The following SPG21 variants were observed in gnomAD, a reference collection of about 807,000 sequenced individuals.
SPG21 encodes the protein maspardin.
Under a neutral mutation model 38.9 loss-of-function variants are expected in SPG21, and 26 were observed. The observed-to-expected ratio is 0.67, with a 90% CI of 0.49 to 0.93. The LOEUF (loss-of-function observed/expected upper bound fraction) is 0.93, where lower values mean the gene tolerates loss of function less well. Among genes scored for constraint, SPG21 ranks in the 40% least tolerant of loss-of-function variants. The pLI is 0.00. For missense variants in SPG21, 333 were observed against 376.5 expected, an observed-to-expected ratio of 0.88 and a Z score of 0.96; for synonymous variants, 136 against 128.9, an observed-to-expected ratio of 1.05 and a Z score of -0.37.
chr15:64,963,906 G>A (rs1195435061), intron 8 of SPG21, among the ~76,000 whole-genome samples, 170 bp from the exon 9 acceptor site: 3 of 151,856 alleles, frequency 2.0e-5, no homozygotes, highest in African/African-American at 4.8e-5. Flanking sequence ...ACAGGTGCCC[G>A]CCACCATGCC....
In SPG21 at chr15:64,974,632, G is replaced by A; in HGVS notation, c.422C>T (p.Ser141Phe). ...TGCAGTCCAAGTTTGGTTGAAGATA[G>A]AGGTGTCACTGAAGGAATTGCAGAG... The part of the protein sequence containing the change: ...LILCNSFSDT[S>F]IFNQTWTANS... Residue 141 changes from serine to phenylalanine, a missense_variant, in exon 5 of 9, where the codon TCT becomes TTT. Physicochemically the swap from Ser to Phe is radical, Grantham distance 155. Transcript: ENST00000204566. 2 of 1,614,208 alleles carry A rather than the reference G, an allele frequency of 1.2e-6. No individual in the cohort carries two copies. The highest frequency in any genetic ancestry group is 1.7e-6 in the Non-Finnish European group (2 of 1,180,040).
At chr15:64,988,477 GCAACTGGCTTTTTAA>G (rs2086043788) in intron 1 of SPG21, 1 of 152,228 alleles carries the variant, frequency 6.6e-6, no homozygotes, top group Non-Finnish European at 1.5e-5. Flanking sequence ...TCTGGGAGAT[GCAACTGGCTTTTTAA>G]TGCACGTCTC....
At position 64,976,573 on chromosome 15, in the gene SPG21, A is replaced by C. The variant is rs759529528; in HGVS notation, c.226-18T>G. The C allele has an allele frequency of 1.3e-6, 2 of 1,582,910 alleles. No homozygotes were observed. The highest frequency in any genetic ancestry group is 2.2e-5 in the East Asian group (1 of 44,660). On this transcript the variant is annotated intron_variant, in intron 3 of 8. Transcript: ENST00000204566. ...TACTGCAACTGAAATAATAACGATAATTTTATTTTTAAAAATCATAAAAGT... is the reference window on the plus strand; with the variant it reads ...TACTGCAACTGAAATAATAACGATACTTTTATTTTTAAAAATCATAAAAGT...
chr15:64,978,771 G>T (rs917075960), intron 3 of SPG21, among the ~76,000 whole-genome samples: 2 of 152,070 alleles, frequency 1.3e-5, no homozygotes, highest in African/African-American at 2.4e-5. Context: ...GCCCACACAG[G>T]TGACAAAATT....
At chr15:64,985,670 G>A (rs1207075052) in intron 1 of SPG21, among the ~76,000 whole-genome samples, 3 of 152,144 alleles carry the variant, frequency 2.0e-5, no homozygotes, top group Admixed American at 6.5e-5. Flanking sequence ...TAACTCCCGG[G>A]CTGACTCTGA....
intron 1 of SPG21, among the ~76,000 whole-genome samples, chr15:64,986,559 G>A (rs2085996304): frequency 6.6e-6 from 1 of 150,558 alleles, no homozygotes; most frequent in Non-Finnish European, 1.5e-5. Context: ...CATGGCAGTG[G>A]CCGCCTGTAA....
chr15:64,973,661 C>G (rs554381669), intron 5 of SPG21, among the ~76,000 whole-genome samples: 1 of 152,284 alleles, frequency 6.6e-6, no homozygotes, highest in African/African-American at 2.4e-5. Context: ...GTTGGTCAGG[C>G]TGGTCTCGAA....
chr15:64,971,073 CT>C (rs2085650899), intron 5 of SPG21, among the ~76,000 whole-genome samples: 1 of 151,000 alleles, frequency 6.6e-6, no homozygotes. Flanking sequence ...TAAAAAAAAA[CT>C]TTTAGAGACA....
Position 64,963,634 on chromosome 15 carries a change from G to A in SPG21, c.913C>T (p.Gln305Ter), listed in dbSNP as rs759821678. ...CGAGAGACACACTACTGCTCCTCCT[G>A]GCTGATGCCAAGGCTGCCTTTCTGC... ...EVQKGSLGIS[Q>*]EEQ The change falls in exon 9 of 9, where the codon CAG becomes TAG. Residue 305 changes from glutamine (Q) to a stop codon, truncating the protein, a stop_gained. Coordinates refer to ENST00000204566, the MANE Select transcript of SPG21 (RefSeq NM_016630.7). LOFTEE classifies it high-confidence loss of function. The A allele has an allele frequency of 1.9e-6, 3 of 1,613,742 alleles. No homozygotes were observed. The highest frequency in any genetic ancestry group is 2.2e-5 in the East Asian group (1 of 44,902).
Position 64,981,039 on chromosome 15 carries a change from T to A in SPG21, c.64-14A>T, listed in dbSNP as rs762728132. 6.2e-7 allele frequency: 1 copy of A among 1,613,302 alleles called. No homozygotes were observed. Among genetic ancestry groups the A allele is most frequent in the Non-Finnish European group, 8.5e-7 (1 of 1,179,814 alleles). On this transcript the variant is annotated splice_polypyrimidine_tract_variant and intron_variant, in intron 2 of 8. Transcript: ENST00000204566. ...ATCCACAATAATCTGGAGGGAAGGT[T>A]AAAAGAAAAAAGTGGAAAACCTTAT...
At chr15:64,966,219 G>C (rs1419773014) in intron 7 of SPG21, among the ~76,000 whole-genome samples, 1 of 152,098 alleles carries the variant, frequency 6.6e-6, no homozygotes, top group Non-Finnish European at 1.5e-5. Context: ...TAGAGTACAA[G>C]CTATTCTTTC....
chr15:64,985,541 T>C (rs558198021), intron 1 of SPG21, among the ~76,000 whole-genome samples: 6 of 152,348 alleles, frequency 3.9e-5, no homozygotes, highest in Non-Finnish European at 7.3e-5. Flanking sequence ...CAGATTCTTA[T>C]TGCCAAGTGA....
chr15:64,973,644 T>A (rs955085005), intron 5 of SPG21, among the ~76,000 whole-genome samples: 2 of 152,136 alleles, frequency 1.3e-5, no homozygotes, highest in Non-Finnish European at 2.9e-5. Context: ...AGACAGGGTT[T>A]CTCCACGTTG....
intron 8 of SPG21, 27 bp from the exon 9 acceptor site, chr15:64,963,763 A>G (rs1242843556): frequency 6.2e-7 from 1 of 1,601,804 alleles, no homozygotes; most frequent in East Asian, 2.2e-5. Context: ...TCATTATTTT[A>G]TTTATTTTTT....
chr15:64,976,634 T>C, intron 3 of SPG21, 79 bp from the exon 4 acceptor site: 1 of 1,076,708 alleles, frequency 9.3e-7, no homozygotes, highest in Non-Finnish European at 1.4e-6. Context: ...AACTTAGGAC[T>C]CAAACACTGA....
At chr15:64,970,919 T>C (rs921756281) in intron 5 of SPG21, among the ~76,000 whole-genome samples, 2 of 152,114 alleles carry the variant, frequency 1.3e-5, no homozygotes, top group African/African-American at 4.8e-5. Flanking sequence ...TCTGTATTTT[T>C]AGTAAAGATG....
chr15:64,988,123 G>A (rs2140458665), intron 1 of SPG21, among the ~76,000 whole-genome samples: 1 of 152,292 alleles, frequency 6.6e-6, no homozygotes, highest in South Asian at 2.1e-4. Context: ...TTAGGAGGCT[G>A]AGGCAGGAGA....
At chr15:64,989,185 A>G (rs1261699932) in intron 1 of SPG21, 1 of 151,678 alleles carries the variant, frequency 6.6e-6, no homozygotes, top group Non-Finnish European at 1.5e-5. Flanking sequence ...CCTGGCCCAC[A>G]CTCAGTAACA....
intron 5 of SPG21, 49 bp from the exon 6 acceptor site, chr15:64,970,271 G>T: frequency 7.0e-7 from 1 of 1,430,564 alleles, no homozygotes; most frequent in Non-Finnish European, 9.9e-7. Context: ...ACTACACATG[G>T]CAAATATTCA....
Sources: allele counts gnomAD v4.1 joint callset (sites outside exome capture counted in the v4.1 genomes callset), GRCh38; gene constraint gnomAD v4.1.1; transcripts MANE v1.5; gene names NCBI Gene and HGNC (gene_info 2026-07-23, HGNC 2026-07-21).